The following EXTL2 variants were observed in gnomAD, a reference collection of about 807,000 sequenced individuals.
EXTL2 encodes exostosin-like 2.
EXTL2 carries 23 observed loss-of-function variants against 30.7 expected under a neutral mutation model. The observed-to-expected ratio is 0.75, with a 90% CI of 0.54 to 1.06. The LOEUF (loss-of-function observed/expected upper bound fraction) is 1.06, where lower values mean the gene tolerates loss of function less well. Ranked by LOEUF, EXTL2 falls within the 50% of genes least tolerant of loss-of-function variation. EXTL2 has a pLI of 0.00. For missense variants in EXTL2, 352 were observed against 396.3 expected (o/e 0.89, Z 0.95); for synonymous variants, 123 against 133.8 (o/e 0.92, Z 0.56).
At chr1:100,876,143 G>A (rs572100560) in intron 4 of EXTL2, among the ~76,000 whole-genome samples, 2 of 151,980 alleles carry the variant, frequency 1.3e-5, no homozygotes, top group South Asian at 2.1e-4. Flanking sequence ...ACACGGCTTC[G>A]AAGTACTTCC....
At chr1:100,889,611 T>C (rs574313638) in intron 1 of EXTL2, among the ~76,000 whole-genome samples, 28 of 152,128 alleles carry the variant, frequency 1.8e-4, no homozygotes, top group African/African-American at 4.8e-4. Context: ...TTCAAAGATA[T>C]AGTGGGGATA....
intron 2 of EXTL2, among the ~76,000 whole-genome samples, chr1:100,883,587 T>G (rs2100944810): frequency 6.6e-6 from 1 of 152,286 alleles, no homozygotes; most frequent in East Asian, 1.9e-4. Flanking sequence ...AGTACCTCAT[T>G]TTTTTTGTTG....
chr1:100,882,927 A>T (rs992523186), intron 2 of EXTL2, among the ~76,000 whole-genome samples: 1 of 152,350 alleles, frequency 6.6e-6, no homozygotes, highest in African/African-American at 2.4e-5. Context: ...AAACTCAGAG[A>T]GCTGAAAGAG....
intron 2 of EXTL2, among the ~76,000 whole-genome samples, chr1:100,887,694 A>G (rs973760225): frequency 1.3e-5 from 2 of 152,000 alleles, no homozygotes; most frequent in African/African-American, 4.8e-5. Flanking sequence ...CTTGAGCTAC[A>G]TTGTATTTTC....
rs766821498 is a variant in EXTL2, at chr1:100,874,168, A to G, written c.767T>C (p.Ile256Thr). Reference protein sequence around the residue: ...IAMNFIIAKHIGKTSGIFVKP... With the variant: ...IAMNFIIAKHTGKTSGIFVKP... ...CACAAATATCCCTGAAGTCTTGCCA[A>G]TATGCTTGGCAATGATAAAATTCAT... Residue 256 changes from isoleucine (I) to threonine (T), a missense_variant, in exon 5 of 5, where the codon ATT (isoleucine) becomes ACT (threonine). Coordinates refer to ENST00000370114, the MANE Select transcript of EXTL2 (RefSeq NM_001033025.3). 11 of 1,613,040 alleles carry G rather than the reference A, an allele frequency of 6.8e-6. No homozygotes were observed. The East Asian group carries it at 1.6e-4, about 23-fold the overall frequency.
At chr1:100,890,014 C>G (rs762361886) in intron 1 of EXTL2, among the ~76,000 whole-genome samples, 2 of 152,240 alleles carry the variant, frequency 1.3e-5, no homozygotes, top group Non-Finnish European at 2.9e-5. Context: ...GGGACTCCAA[C>G]CCCACTTCTC....
chr1:100,888,338 G>A (rs1570473138), intron 2 of EXTL2: 1 of 155,646 alleles, frequency 6.4e-6, no homozygotes, highest in Non-Finnish European at 1.4e-5. Flanking sequence ...TAGAAAATAT[G>A]ATACACAGGT....
intron 2 of EXTL2, 46 bp downstream of exon 2, chr1:100,888,707 G>A (rs753325088): frequency 1.6e-5 from 17 of 1,074,832 alleles, no homozygotes; most frequent in East Asian, 2.4e-5. Context: ...TGTGTTATAC[G>A]TATTTTACAA....
In EXTL2 at chr1:100,873,865, G is replaced by A. The variant is rs2100906303; in HGVS notation, c.*77C>T. 1 of 1,415,952 alleles carries A rather than the reference G, an allele frequency of 7.1e-7. No individual in the cohort carries two copies. 87.7% of individuals were successfully genotyped at this position (1,415,952 alleles called of 1,614,324 possible). A position where few individuals can be genotyped will look rare whatever the true frequency, so the allele number is the denominator to read the frequency against. Reference sequence around the variant, plus strand: ...TGGAGTAGATAAAATTCATGATGTTGCTTAAAAAAATACATAGCATGGAGA... The same window carrying A: ...TGGAGTAGATAAAATTCATGATGTTACTTAAAAAAATACATAGCATGGAGA... On this transcript the variant is annotated 3_prime_UTR_variant, in exon 5 of 5. Transcript: ENST00000370114.
chr1:100,889,479 C>T (rs1315356408), intron 1 of EXTL2, among the ~76,000 whole-genome samples: 1 of 152,222 alleles, frequency 6.6e-6, no homozygotes, highest in African/African-American at 2.4e-5. Flanking sequence ...GCCTTCCCAA[C>T]AGTCCCCCAA....
chr1:100,875,322 A>G (rs915607596), intron 4 of EXTL2, among the ~76,000 whole-genome samples: 21 of 151,972 alleles, frequency 1.4e-4, no homozygotes, highest in African/African-American at 5.1e-4. Flanking sequence ...GGGGTATAAT[A>G]TGGATATGCA....
intron 2 of EXTL2, among the ~76,000 whole-genome samples, chr1:100,881,698 C>G (rs1649569472): frequency 6.6e-6 from 1 of 152,158 alleles, no homozygotes; most frequent in South Asian, 2.1e-4. Context: ...AAAATCCTTC[C>G]TCTTCTCCTC....
chr1:100,887,232 C>T lies in EXTL2; in HGVS notation c.5+1521G>A, dbSNP rs377102393. On this transcript the variant is annotated intron_variant, in intron 2 of 4. Coordinates refer to ENST00000370114, the MANE Select transcript of EXTL2 (RefSeq NM_001033025.3). ...ATATTGGTTTTCAGCCATTAACTCA[C>T]TTTCCAAAATCACTTCTGTAAGAGA... is the stretch of plus-strand genomic sequence containing the variant. 3.3e-5 allele frequency among the ~76,000 whole-genome samples: 5 copies of T among 152,344 alleles called. No homozygotes were observed. In the East Asian group the frequency reaches 5.8e-4, roughly 18 times the overall value.
chr1:100,883,547 C>A (rs1321328175), intron 2 of EXTL2, among the ~76,000 whole-genome samples: 1 of 152,060 alleles, frequency 6.6e-6, no homozygotes, highest in African/African-American at 2.4e-5. Context: ...TGAGGTTCAT[C>A]CATGCTGTAT....
intron 4 of EXTL2, among the ~76,000 whole-genome samples, chr1:100,875,275 T>C (rs1649023423): frequency 6.7e-6 from 1 of 149,922 alleles, no homozygotes; most frequent in African/African-American, 2.4e-5. Context: ...CTGAGTTAAA[T>C]GCTATTTCAA....
Position 100,873,814 on chromosome 1 carries a change from AC to A in EXTL2, c.*127del. 1 of 956,016 alleles carries A rather than the reference AC, an allele frequency of 1.0e-6. No individual in the cohort carries two copies. 59.2% of individuals were successfully genotyped at this position (956,016 alleles called of 1,614,324 possible). A position where few individuals can be genotyped will look rare whatever the true frequency, so the allele number is the denominator to read the frequency against. ...GAATTTTATATCCTAGAAGCACTGC[AC>A]TTTTTTTTCTATTGTAGAGACTTCT... On this transcript the variant is annotated 3_prime_UTR_variant, in exon 5 of 5. Transcript: ENST00000370114.
At chr1:100,874,536 C>T (rs1026420274) in intron 4 of EXTL2, 106 bp from the exon 5 acceptor site, 4 of 909,540 alleles carry the variant, frequency 4.4e-6, no homozygotes, top group Admixed American at 4.8e-5. Flanking sequence ...TTTGTCAACT[C>T]TTCCTTATTC....
intron 2 of EXTL2, chr1:100,881,182 T>A: frequency 2.7e-6 from 1 of 364,950 alleles, no homozygotes; most frequent in Non-Finnish European, 3.8e-6. Context: ...CATAGTAAAG[T>A]ACGAAAAGCA....
intron 2 of EXTL2, among the ~76,000 whole-genome samples, chr1:100,883,004 G>A (rs973675483): frequency 3.3e-5 from 5 of 152,130 alleles, no homozygotes; most frequent in Non-Finnish European, 5.9e-5. Context: ...CGGGGATAAG[G>A]AACTTGCCTA....
Sources: allele counts gnomAD v4.1 joint callset (sites outside exome capture counted in the v4.1 genomes callset), GRCh38; gene constraint gnomAD v4.1.1; transcripts MANE v1.5; gene names NCBI Gene and HGNC (gene_info 2026-07-23, HGNC 2026-07-21).